Variants in C2CD2 observed in about 807,000 individuals in gnomAD.
C2CD2 encodes C2 calcium dependent domain containing 2, also known as C2 domain-containing protein 2.
Under a neutral mutation model 74.3 loss-of-function variants are expected in C2CD2, and 43 were observed. That is an observed-to-expected ratio of 0.58 (90% CI 0.45 to 0.75). The LOEUF (loss-of-function observed/expected upper bound fraction) is 0.75. Among genes scored for constraint, C2CD2 ranks in the 30% least tolerant of loss-of-function variants. C2CD2 has a pLI of 0.00. For synonymous variants in C2CD2, 422 were observed against 390.7 expected, an observed-to-expected ratio of 1.08 and a Z score of -0.94; for missense variants, 801 against 916.3, an observed-to-expected ratio of 0.87 and a Z score of 1.63.
At chr21:41,931,806 G>A (rs2065263559) in intron 2 of C2CD2, among the ~76,000 whole-genome samples, 1 of 149,648 alleles carries the variant, frequency 6.7e-6, no homozygotes, top group Non-Finnish European at 1.5e-5. Flanking sequence ...GAGAAACTTT[G>A]AGCCCCACCT....
At position 41,905,766 on chromosome 21, in the gene C2CD2, G is replaced by A. The variant is rs773362962; in HGVS notation, c.1390C>T (p.Arg464Cys). Residue 464 changes from arginine (R) to cysteine (C), a missense_variant, in exon 11 of 14, where the codon CGC becomes TGC. Coordinates refer to ENST00000380486, the MANE Select transcript of C2CD2 (RefSeq NM_015500.2). ...KDISVQAIAC[R>C]SAPVSKTLSS... ...AGTGTTTTGCTGACGGGGGCGCTGC[G>A]GCAGGCGATGGCCTGGACAGAGATG... 8.7e-6 allele frequency: 14 copies of A among 1,611,620 alleles called. No individual in the cohort carries two copies. Among genetic ancestry groups the A allele is most frequent in the Admixed American group, 1.7e-5 (1 of 59,874 alleles).
rs368208823 is a variant in C2CD2, at chr21:41,902,391, G to A, written c.1433-642C>T. 2.6e-5 allele frequency among the ~76,000 whole-genome samples: 4 copies of A among 152,240 alleles called. No homozygotes were observed. In the South Asian group the frequency reaches 6.2e-4, roughly 24 times the overall value. The stretch of plus-strand genomic sequence containing the variant: ...CAATAGAATGCTTACGGCAAACCAG[G>A]TGCTGTTCAGAGACAGAGCTCTGTG... On this transcript the variant is annotated intron_variant, in intron 11 of 13. Transcript: ENST00000380486.
Position 41,889,261 on chromosome 21 carries a change from C to G in C2CD2, c.1954G>C (p.Asp652His). ...TCTGGCTGCTCCAGGAACACAAGGT[C>G]ATTGTGTGACTGACTCATGCCTGGG... ...KDPGMSQSHN[D>H]LVFLEQPEGS... is the part of the protein sequence containing the mutation. Residue 652 changes from aspartate (D) to histidine (H), a missense_variant, in exon 14 of 14, where the codon GAC becomes CAC. Physicochemically the swap from Asp to His is moderately conservative, Grantham distance 81. Coordinates refer to ENST00000380486, the MANE Select transcript of C2CD2 (RefSeq NM_015500.2). 6.2e-7 allele frequency: 1 copy of G among 1,614,024 alleles called. No individual in the cohort carries two copies. Among genetic ancestry groups the G allele is most frequent in the Non-Finnish European group, 8.5e-7 (1 of 1,180,002 alleles).
chr21:41,937,051 C>T (rs1010429862), intron 2 of C2CD2, among the ~76,000 whole-genome samples: 1 of 151,782 alleles, frequency 6.6e-6, no homozygotes, highest in Non-Finnish European at 1.5e-5. Context: ...GAACTCTTGA[C>T]CTCGTGATCC....
In C2CD2 at chr21:41,905,821, A is replaced by G; in HGVS notation, c.1335T>C (p.Thr445=). The change falls in exon 11 of 14, where the codon ACT becomes ACC. Residue 445 remains threonine (T), a synonymous_variant. Transcript: ENST00000380486. ...TCTCGATCACCTTCACCTTGATGGG[A>G]GTCTTCACCGGAGAATCTGCCAGAG... ...SPLSSDSPVK[T]PIKVKVIEKD... is the part of the protein sequence containing the mutation. 3 of 1,594,858 alleles carry G rather than the reference A, an allele frequency of 1.9e-6. No homozygotes were observed. Among genetic ancestry groups the G allele is most frequent in the African/African-American group, 1.3e-5 (1 of 74,664 alleles).
rs553162937 is a variant in C2CD2, at chr21:41,923,245, G to A, written c.379-1160C>T. Among the ~76,000 whole-genome samples, 24 of 152,018 alleles carry A rather than the reference G, an allele frequency of 1.6e-4. No individual in the cohort carries two copies. The highest frequency in any genetic ancestry group is 4.8e-4 in the African/African-American group (20 of 41,440). On this transcript the variant is annotated intron_variant, in intron 2 of 13. Coordinates refer to ENST00000380486, the MANE Select transcript of C2CD2 (RefSeq NM_015500.2). The surrounding 1 kb of genome is among the most constrained non-coding windows in gnomAD (Gnocchi z 5.8). Reference sequence around the variant, plus strand: ...CCTCACCTCGTGATCCGCCCACCTCGGCCTTCCAAAGTGCTAGGATTACAG... The same window carrying A: ...CCTCACCTCGTGATCCGCCCACCTCAGCCTTCCAAAGTGCTAGGATTACAG...
At chr21:41,889,448 G>A (rs2064722660) in intron 13 of C2CD2, 104 bp from the exon 14 acceptor site, 5 of 742,686 alleles carry the variant, frequency 6.7e-6, no homozygotes, top group South Asian at 3.1e-5. Flanking sequence ...TGCCTCTAAC[G>A]AAGGGCCAGT....
intron 2 of C2CD2, among the ~76,000 whole-genome samples, chr21:41,932,967 C>T (rs1308354291): frequency 6.7e-6 from 1 of 150,346 alleles, no homozygotes; most frequent in Non-Finnish European, 1.5e-5. Context: ...GAACACCAGT[C>T]AGGGGTTTGT....
At chr21:41,918,318 AG>A (rs2065115895) in intron 4 of C2CD2, 91 bp from the exon 5 acceptor site, 1 of 1,355,172 alleles carries the variant, frequency 7.4e-7, no homozygotes, top group East Asian at 2.4e-5. Context: ...AACCATGCAA[AG>A]TAGGAAGGAA....
chr21:41,899,055 TTA>T lies in C2CD2; in HGVS notation c.1866_1867del (p.His622GlnfsTer30), dbSNP rs2064858183. 1 of 1,612,424 alleles carries T rather than the reference TTA, an allele frequency of 6.2e-7. No homozygotes were observed. The highest frequency in any genetic ancestry group is 8.5e-7 in the Non-Finnish European group (1 of 1,179,176). ...ATGGGGGGCTCGGGAGCAGGTACCT[TTA>T]TGCTTTTTGGCAGTGCCCGGCTCCA... On this transcript the variant is annotated frameshift_variant, in exon 13 of 14. Transcript: ENST00000380486. LOFTEE classifies it low-confidence loss of function (END_TRUNC). The surrounding 1 kb of genome is among the most constrained non-coding windows in gnomAD (Gnocchi z 4.4).
chr21:41,898,909 C>T, intron 13 of C2CD2, 144 bp downstream of exon 13: 1 of 698,574 alleles, frequency 1.4e-6, no homozygotes. Flanking sequence ...CAGCACAGGG[C>T]ATTTCTGGAG....
chr21:41,885,919 C>G lies in C2CD2; in HGVS notation c.*3205G>C, dbSNP rs773812591. The G allele has an allele frequency of 1.3e-5, 2 of 152,398 alleles. No individual in the cohort carries two copies. Among genetic ancestry groups the G allele is most frequent in the Non-Finnish European group, 2.9e-5 (2 of 68,006 alleles). 9.4% of individuals were successfully genotyped at this position (152,398 alleles called of 1,614,324 possible). A position where few individuals can be genotyped will look rare whatever the true frequency, so the allele number is the denominator to read the frequency against. ...TTTTGAACTCAGACTTGAAACTTGA[C>G]GAAAATAAAGTGCTCTGTCAAAACT... On this transcript the variant is annotated 3_prime_UTR_variant, in exon 14 of 14. Transcript: ENST00000380486.
intron 11 of C2CD2, 77 bp from the exon 12 acceptor site, chr21:41,901,826 A>G: frequency 7.8e-7 from 1 of 1,289,454 alleles, no homozygotes; most frequent in South Asian, 1.2e-5. Flanking sequence ...GATAATGGAA[A>G]TGGTCGATAA....
chr21:41,942,058 C>CA, intron 2 of C2CD2, 89 bp downstream of exon 2: 1 of 1,488,902 alleles, frequency 6.7e-7, no homozygotes, highest in Non-Finnish European at 9.0e-7. Flanking sequence ...GTAAGGGTTC[C>CA]GCATTTTCAA....
intron 11 of C2CD2, among the ~76,000 whole-genome samples, chr21:41,902,501 C>A (rs1023033462): frequency 6.6e-6 from 1 of 152,230 alleles, no homozygotes; most frequent in Non-Finnish European, 1.5e-5. Flanking sequence ...GTATGTCCAG[C>A]AGCCAGGAGG....
chr21:41,899,193 T>C lies in C2CD2; in HGVS notation c.1730A>G (p.Asp577Gly). 6.2e-7 allele frequency: 1 copy of C among 1,612,684 alleles called. No individual in the cohort carries two copies. Among genetic ancestry groups the C allele is most frequent in the African/African-American group, 1.3e-5 (1 of 75,006 alleles). ...CTCCAAGTCCCAGGAGTCTAGCTCG[T>C]CCTCCTGGGGCTTGGGGGCAAGGGA... Reference protein sequence around the residue: ...QASLAPKPQEDELDSWDLEKE... With the variant: ...QASLAPKPQEGELDSWDLEKE... The change falls in exon 13 of 14, where the codon GAC becomes GGC. Residue 577 changes from aspartate to glycine, a missense_variant. Transcript: ENST00000380486. The surrounding 1 kb of genome is among the most constrained non-coding windows in gnomAD (Gnocchi z 4.4).
At chr21:41,908,243 T>TTGTGTGTGTGTCTGTGTGTGTG in intron 8 of C2CD2, 1 of 167,382 alleles carries the variant, frequency 6.0e-6, no homozygotes, top group Non-Finnish European at 1.2e-5. Context: ...TACCCTCAAG[T>TTGTGTGTGTGTCTGTGTGTGTG]TGTGTGTGTG....
Position 41,898,300 on chromosome 21 carries a change from G to A in C2CD2, c.1870+753C>T, listed in dbSNP as rs62214731. 5.5e-3 allele frequency among the ~76,000 whole-genome samples: 834 copies of A among 152,236 alleles called. 5 individuals carry two copies. Among genetic ancestry groups the A allele is most frequent in the Non-Finnish European group, 9.4e-3 (637 of 68,010 alleles). Reference sequence around the variant, plus strand: ...CCCCGAATGGTGGAGTCAGGTGGGCGCAGGCAGCGGCCATGCTCCTCATCT... The same window carrying A: ...CCCCGAATGGTGGAGTCAGGTGGGCACAGGCAGCGGCCATGCTCCTCATCT... On this transcript the variant is annotated intron_variant, in intron 13 of 13. Coordinates refer to ENST00000380486, the MANE Select transcript of C2CD2 (RefSeq NM_015500.2).
At chr21:41,898,417 T>C (rs1323981538) in intron 13 of C2CD2, among the ~76,000 whole-genome samples, 1 of 152,180 alleles carries the variant, frequency 6.6e-6, no homozygotes, top group Non-Finnish European at 1.5e-5. Context: ...ACATTCAGGT[T>C]ACTCATGCCA....
Sources: gnomAD v4.1 joint callset for allele counts (sites outside exome capture counted in the v4.1 genomes callset) on GRCh38, gnomAD v4.1.1 for gene constraint, Gnocchi (gnomAD v3.1) non-coding constraint, MANE v1.5 for transcripts, NCBI Gene and HGNC (gene_info 2026-07-23, HGNC 2026-07-21) for gene names.